The following LRBA variants were observed in gnomAD, a reference collection of about 807,000 sequenced individuals.
LRBA encodes the protein LPS responsive beige-like anchor protein, also known as lipopolysaccharide-responsive and beige-like anchor protein.
In LRBA, 176 loss-of-function variants were observed where a neutral mutation model predicts 330.0. That is an observed-to-expected ratio of 0.53 (90% CI 0.47 to 0.60). The LOEUF (loss-of-function observed/expected upper bound fraction) is 0.60, where lower values mean the gene tolerates loss of function less well. LRBA is among the 20% of genes least tolerant of loss of function. LRBA has a pLI of 0.00. For synonymous variants in LRBA, 1,230 were observed against 1,193.0 expected (o/e 1.03, Z -0.64); for missense variants, 3,259 against 3,444.8 (o/e 0.95, Z 1.35).
At chr4:150,284,458 TAC>T (rs1162563969) in intron 54 of LRBA, among the ~76,000 whole-genome samples, 1 of 152,248 alleles carries the variant, frequency 6.6e-6, no homozygotes, top group Non-Finnish European at 1.5e-5. Flanking sequence ...TGTTTTAAAT[TAC>T]AGTGTATTAA....
At chr4:150,461,281 A>G (rs1344144477) in intron 44 of LRBA, among the ~76,000 whole-genome samples, 1 of 151,816 alleles carries the variant, frequency 6.6e-6, no homozygotes, top group African/African-American at 2.4e-5. Flanking sequence ...TTGGCATATT[A>G]CAGAGTTTCT....
intron 56 of LRBA, among the ~76,000 whole-genome samples, chr4:150,276,437 T>C (rs1340869959): frequency 1.3e-5 from 2 of 152,084 alleles, no homozygotes; most frequent in Non-Finnish European, 2.9e-5. Flanking sequence ...ACAAATGGGA[T>C]CTAATTAAAG....
intron 36 of LRBA, among the ~76,000 whole-genome samples, chr4:150,692,511 T>C (rs1449898159): frequency 6.6e-6 from 1 of 152,096 alleles, no homozygotes; most frequent in Non-Finnish European, 1.5e-5. Context: ...TGAGCCACCA[T>C]GCCCAGCAAG....
At chr4:150,947,249 C>G (rs905967491) in intron 2 of LRBA, among the ~76,000 whole-genome samples, 2 of 148,546 alleles carry the variant, frequency 1.3e-5, no homozygotes, top group African/African-American at 4.9e-5. Flanking sequence ...AGCCTATACA[C>G]CAATATCCCT....
Position 150,928,814 on chromosome 4 carries a change from T to C in LRBA, c.448+20A>G, listed in dbSNP as rs1470013036. On this transcript the variant is annotated intron_variant, in intron 3 of 56. Transcript: ENST00000651943. ...AAACTTTATTTCTTTGCATATATTG[T>C]ACTATAGAAAAAATCATACCTGCTA... is the stretch of plus-strand genomic sequence containing the variant. 6.4e-7 allele frequency: 1 copy of C among 1,557,090 alleles called. No homozygotes were observed. The highest frequency in any genetic ancestry group is 8.9e-7 in the Non-Finnish European group (1 of 1,129,240).
chr4:150,902,994 A>C (rs1730920746), intron 13 of LRBA, among the ~76,000 whole-genome samples: 2 of 152,236 alleles, frequency 1.3e-5, no homozygotes, highest in Admixed American at 1.3e-4. Context: ...AATTGACATG[A>C]AATCCTTAGA....
At chr4:151,000,672 C>T (rs967883078) in intron 2 of LRBA, among the ~76,000 whole-genome samples, 11 of 152,226 alleles carry the variant, frequency 7.2e-5, no homozygotes, top group African/African-American at 2.7e-4. Context: ...CATCACACTA[C>T]TCAAGAGCTG....
intron 46 of LRBA, among the ~76,000 whole-genome samples, chr4:150,419,279 G>T (rs555714877): frequency 6.6e-6 from 1 of 152,206 alleles, no homozygotes; most frequent in African/African-American, 2.4e-5. Context: ...CATGGTTTTT[G>T]GCATCAGCAA....
At chr4:150,599,674 T>A (rs911031664) in intron 37 of LRBA, among the ~76,000 whole-genome samples, 1 of 152,208 alleles carries the variant, frequency 6.6e-6, no homozygotes, top group Non-Finnish European at 1.5e-5. Context: ...CTCAGTTACA[T>A]GGTTATGTAT....
chr4:150,706,510 T>A (rs941886823), intron 36 of LRBA, among the ~76,000 whole-genome samples: 1 of 151,340 alleles, frequency 6.6e-6, no homozygotes, highest in Non-Finnish European at 1.5e-5. Flanking sequence ...AAGAAACATA[T>A]GGGAATTCCT....
At chr4:150,686,819 C>G (rs1420960675) in intron 36 of LRBA, among the ~76,000 whole-genome samples, 1 of 152,058 alleles carries the variant, frequency 6.6e-6, no homozygotes, top group Non-Finnish European at 1.5e-5. Flanking sequence ...ATTTCTATCT[C>G]TTATTAATAT....
chr4:150,694,429 A>C (rs577224479), intron 36 of LRBA, among the ~76,000 whole-genome samples: 2 of 132,274 alleles, frequency 1.5e-5, no homozygotes, highest in African/African-American at 5.4e-5. Context: ...AGGTCTTTGT[A>C]CTTGATCCCT....
chr4:150,312,735 A>G (rs1731222260), intron 51 of LRBA, among the ~76,000 whole-genome samples: 1 of 152,152 alleles, frequency 6.6e-6, no homozygotes, highest in South Asian at 2.1e-4. Flanking sequence ...ATTATAGATT[A>G]CTTAATAATA....
chr4:150,538,097 A>T (rs1022950333), intron 40 of LRBA, among the ~76,000 whole-genome samples: 23 of 152,220 alleles, frequency 1.5e-4, no homozygotes, highest in African/African-American at 5.3e-4. Flanking sequence ...ACCATCTCAC[A>T]CTAGTCAGAA....
At chr4:150,857,650 C>CTCA (rs1484401205) in intron 22 of LRBA, among the ~76,000 whole-genome samples, 2 of 152,096 alleles carry the variant, frequency 1.3e-5, no homozygotes, top group Non-Finnish European at 2.9e-5. Context: ...TTGAACCAGG[C>CTCA]TCATCATTGG....
intron 2 of LRBA, among the ~76,000 whole-genome samples, chr4:150,931,087 G>A (rs1366346675): frequency 2.0e-5 from 3 of 151,988 alleles, no homozygotes; most frequent in Non-Finnish European, 4.4e-5. Context: ...TAATATAGCT[G>A]TTTTGGTTTT....
chr4:150,319,156 G>A (rs1033884901), intron 50 of LRBA, among the ~76,000 whole-genome samples: 1 of 152,138 alleles, frequency 6.6e-6, no homozygotes, highest in African/African-American at 2.4e-5. Flanking sequence ...GCTGGAGACC[G>A]AGGAGCCCTG....
At chr4:150,923,471 C>A (rs1052240791) in intron 4 of LRBA, among the ~76,000 whole-genome samples, 2 of 152,168 alleles carry the variant, frequency 1.3e-5, no homozygotes, top group African/African-American at 4.8e-5. Context: ...CTCAGGGTAG[C>A]CTTCCTTGAA....
intron 47 of LRBA, among the ~76,000 whole-genome samples, chr4:150,357,591 A>T (rs1037042791): frequency 6.6e-6 from 1 of 151,934 alleles, no homozygotes; most frequent in Non-Finnish European, 1.5e-5. Context: ...AAAATCTAGG[A>T]ATTCACAACA....
Sources: gnomAD v4.1 joint callset for allele counts (sites outside exome capture counted in the v4.1 genomes callset) on GRCh38, gnomAD v4.1.1 for gene constraint, MANE v1.5 for transcripts, NCBI Gene and HGNC (gene_info 2026-07-23, HGNC 2026-07-21) for gene names.